Variants in CEP43 observed in about 807,000 individuals in gnomAD.
CEP43 encodes the protein FGFR1 oncogene partner.
In CEP43, 36 loss-of-function variants were observed where a neutral mutation model predicts 52.6. The ratio of observed to expected loss-of-function variants is 0.68; its 90% CI spans 0.52 to 0.90. The LOEUF (loss-of-function observed/expected upper bound fraction) is 0.90, where lower values mean the gene tolerates loss of function less well. Ranked by LOEUF, CEP43 falls within the 40% of genes least tolerant of loss-of-function variation. The pLI is 0.00. For missense variants in CEP43, 506 were observed against 472.8 expected (o/e 1.07, Z -0.65); for synonymous variants, 192 against 172.4 (o/e 1.11, Z -0.89).
At chr6:167,022,380 A>C in intron 7 of CEP43, 29 bp from the exon 8 acceptor site, 1 of 1,457,544 alleles carries the variant, frequency 6.9e-7, no homozygotes, top group Non-Finnish European at 9.6e-7. Context: ...CTCACCAAGG[A>C]GGCCTTTTCT....
Position 167,040,325 on chromosome 6 carries a change from T to C in CEP43, c.*347T>C. On this transcript the variant is annotated 3_prime_UTR_variant, in exon 13 of 13. Coordinates refer to ENST00000366847, the MANE Select transcript of CEP43 (RefSeq NM_007045.4). ...AGCCGTAGGATCGCGCAACCCTTTG[T>C]GTGTGTGGCTGCTGGTACGTGTGAT... 1 of 1,424,684 alleles carries C rather than the reference T, an allele frequency of 7.0e-7. No homozygotes were observed. Among genetic ancestry groups the C allele is most frequent in the Non-Finnish European group, 9.1e-7 (1 of 1,096,378 alleles). The allele number at this position is 1,424,684 out of a possible 1,614,324, so 88.3% of individuals were successfully genotyped here. A position where few individuals can be genotyped will look rare whatever the true frequency, so the allele number is the denominator to read the frequency against.
Position 167,042,178 on chromosome 6 carries a change from T to G in CEP43, c.*2200T>G, listed in dbSNP as rs569145156. ...CTTAAAGTTCAACTATGAAAAAGCTTTCTTTTCACATGTACTTTTTGATTA... is the reference window on the plus strand; with the variant it reads ...CTTAAAGTTCAACTATGAAAAAGCTGTCTTTTCACATGTACTTTTTGATTA... On this transcript the variant is annotated 3_prime_UTR_variant, in exon 13 of 13. Transcript: ENST00000366847. 1,641 of 1,007,700 alleles carry G rather than the reference T, an allele frequency of 1.6e-3. 2 individuals carry two copies. Among genetic ancestry groups the G allele is most frequent in the Non-Finnish European group, 1.8e-3 (1,535 of 842,372 alleles). 62.4% of individuals were successfully genotyped at this position (1,007,700 alleles called of 1,614,324 possible).
intron 8 of CEP43, among the ~76,000 whole-genome samples, chr6:167,023,173 C>G (rs1780278232): frequency 6.6e-6 from 1 of 151,998 alleles, no homozygotes; most frequent in Non-Finnish European, 1.5e-5. Flanking sequence ...TTGGGGGTAG[C>G]AGAGAGAGCA....
intron 1 of CEP43, 22 bp downstream of exon 1, chr6:166,999,536 G>C (rs1038947516): frequency 7.2e-7 from 1 of 1,386,008 alleles, no homozygotes; most frequent in South Asian, 1.6e-5. Context: ...GGCTGGGGCC[G>C]GGCCTGGCGG....
intron 7 of CEP43, among the ~76,000 whole-genome samples, chr6:167,014,060 TA>T (rs1473704048): frequency 6.6e-6 from 1 of 152,228 alleles, no homozygotes; most frequent in African/African-American, 2.4e-5. Context: ...TGTTGAATCT[TA>T]AAACCATGCT....
chr6:167,021,864 C>T (rs780966216), intron 7 of CEP43, among the ~76,000 whole-genome samples: 5 of 152,156 alleles, frequency 3.3e-5, no homozygotes, highest in Non-Finnish European at 5.9e-5. Context: ...CGCCTTTCAC[C>T]TTGATGCCTG....
chr6:167,028,438 C>A (rs975049233), intron 10 of CEP43: 1 of 984,836 alleles, frequency 1.0e-6, no homozygotes, highest in African/African-American at 1.7e-5. Context: ...AGTTCACTAG[C>A]TGGATGTTTG....
At chr6:167,003,528 GA>G in intron 3 of CEP43, 194 bp from the exon 4 acceptor site, 2 of 559,372 alleles carry the variant, frequency 3.6e-6, no homozygotes, top group Non-Finnish European at 3.2e-6. Flanking sequence ...GTTAGTTACA[GA>G]CTGATGATCC....
chr6:167,039,852 A>C lies in CEP43; in HGVS notation c.1126-52A>C, dbSNP rs373628900. 3 of 1,596,940 alleles carry C rather than the reference A, an allele frequency of 1.9e-6. No individual in the cohort carries two copies. The African/African-American group carries it at 4.0e-5, about 21-fold the overall frequency. Reference sequence around the variant, plus strand: ...GGCTTTGATTTTTTAAAATAACTTAAGACTACTCACATTCTGACACTTAAT... The same window carrying C: ...GGCTTTGATTTTTTAAAATAACTTACGACTACTCACATTCTGACACTTAAT... On this transcript the variant is annotated intron_variant, in intron 12 of 12. Coordinates refer to ENST00000366847, the MANE Select transcript of CEP43 (RefSeq NM_007045.4).
At chr6:167,009,029 C>A (rs187898492) in intron 5 of CEP43, among the ~76,000 whole-genome samples, 3 of 151,610 alleles carry the variant, frequency 2.0e-5, no homozygotes, top group African/African-American at 7.3e-5. Flanking sequence ...CCGAGGCAGG[C>A]GGATCACTTG....
intron 12 of CEP43, among the ~76,000 whole-genome samples, chr6:167,039,529 G>C (rs960583004): frequency 1.3e-5 from 2 of 152,206 alleles, no homozygotes; most frequent in African/African-American, 4.8e-5. Flanking sequence ...TGGGTTTCAT[G>C]TTTTTGCAAT....
chr6:167,040,632 T>C lies in CEP43; in HGVS notation c.*654T>C. 3.9e-6 allele frequency: 4 copies of C among 1,033,316 alleles called. No homozygotes were observed. The highest frequency in any genetic ancestry group is 4.7e-6 in the Non-Finnish European group (4 of 856,734). 64.0% of individuals were successfully genotyped at this position (1,033,316 alleles called of 1,614,324 possible). On this transcript the variant is annotated 3_prime_UTR_variant, in exon 13 of 13. Transcript: ENST00000366847. ...AGAAGTGGTTATGAGTTTTAATTCA[T>C]AGAATTGTCAATAACATAACATTTG...
chr6:167,042,218 A>T lies in CEP43; in HGVS notation c.*2240A>T, dbSNP rs1297134851. The T allele has an allele frequency of 2.0e-6, 2 of 1,005,914 alleles. No individual in the cohort carries two copies. The highest frequency in any genetic ancestry group is 3.5e-5 in the African/African-American group (2 of 57,896). 62.3% of individuals were successfully genotyped at this position (1,005,914 alleles called of 1,614,324 possible). A position where few individuals can be genotyped will look rare whatever the true frequency, so the allele number is the denominator to read the frequency against. The stretch of plus-strand genomic sequence containing the variant: ...CTTTTTGATTAGGTATTATCAACTT[A>T]TGAAACTTGAAGATGTGAAGTGACA... On this transcript the variant is annotated 3_prime_UTR_variant, in exon 13 of 13. Transcript: ENST00000366847.
chr6:167,036,962 G>T (rs959910611), intron 12 of CEP43: 1 of 160,530 alleles, frequency 6.2e-6, no homozygotes, highest in Non-Finnish European at 1.3e-5. Context: ...GTACCACCAT[G>T]CCCGGCTAGT....
At chr6:167,012,056 G>T (rs568994162) in intron 6 of CEP43, among the ~76,000 whole-genome samples, 34 of 152,174 alleles carry the variant, frequency 2.2e-4, no homozygotes, top group Non-Finnish European at 4.1e-4. Flanking sequence ...AAAAGATGAG[G>T]TCCCATGTGG....
chr6:166,999,963 C>G, intron 1 of CEP43, 97 bp from the exon 2 acceptor site: 1 of 1,042,772 alleles, frequency 9.6e-7, no homozygotes, highest in Non-Finnish European at 1.5e-6. Context: ...GCCCTCCCAG[C>G]TCGTTGGCTT....
rs551892835 is a variant in CEP43, at chr6:167,017,337, C to T, written c.579+3770C>T. On this transcript the variant is annotated intron_variant, in intron 7 of 12. Transcript: ENST00000366847. ...TAAAATAATGGTATACAACTGTCTA[C>T]ATAGCATTACATTTATTAGGTATTA... Among the ~76,000 whole-genome samples the T allele has an allele frequency of 1.2e-3, 182 of 152,242 alleles. 1 individual carries two copies. Among genetic ancestry groups the T allele is most frequent in the African/African-American group, 4.0e-3 (165 of 41,534 alleles).
At chr6:167,020,221 C>T (rs879356926) in intron 7 of CEP43, among the ~76,000 whole-genome samples, 2 of 152,088 alleles carry the variant, frequency 1.3e-5, no homozygotes, top group Non-Finnish European at 2.9e-5. Flanking sequence ...TTATAACTTG[C>T]TATTTATTTT....
intron 8 of CEP43, among the ~76,000 whole-genome samples, chr6:167,024,375 G>C (rs1780306762): frequency 6.6e-6 from 1 of 152,186 alleles, no homozygotes; most frequent in African/African-American, 2.4e-5. Context: ...ACTTTAAGGG[G>C]AGTTCATCAG....
Sources: allele counts gnomAD v4.1 joint callset (sites outside exome capture counted in the v4.1 genomes callset), GRCh38; gene constraint gnomAD v4.1.1; transcripts MANE v1.5; gene names NCBI Gene and HGNC (gene_info 2026-07-23, HGNC 2026-07-21).